The following CAMTA1 variants were observed in gnomAD, a reference collection of about 807,000 sequenced individuals.
CAMTA1 encodes calmodulin binding transcription activator 1, also known as calmodulin-binding transcription activator 1.
CAMTA1 carries 27 observed loss-of-function variants against 170.9 expected under a neutral mutation model. The observed-to-expected ratio is 0.16, with a 90% CI of 0.12 to 0.22. The LOEUF (loss-of-function observed/expected upper bound fraction) is 0.22. Among genes scored for constraint, CAMTA1 ranks in the 10% least tolerant of loss-of-function variants. The pLI, the probability that CAMTA1 is intolerant of heterozygous loss-of-function variation, is 1.00. For missense variants in CAMTA1, 1,619 were observed against 2,217.2 expected (o/e 0.73, Z 5.42); for synonymous variants, 833 against 891.5 (o/e 0.93, Z 1.17).
chr1:7,222,577 T>C (rs1660986660), intron 4 of CAMTA1, among the ~76,000 whole-genome samples: 1 of 152,212 alleles, frequency 6.6e-6, no homozygotes, highest in Non-Finnish European at 1.5e-5. Flanking sequence ...GAGTGGGTCA[T>C]GAGTCCTGAG....
intron 6 of CAMTA1, among the ~76,000 whole-genome samples, chr1:7,486,314 A>T (rs960175348): frequency 6.6e-6 from 1 of 152,208 alleles, no homozygotes; most frequent in African/African-American, 2.4e-5. Flanking sequence ...AGCTACCAAC[A>T]TGATATCATG....
Position 7,664,245 on chromosome 1 carries a change from C to T in CAMTA1, c.1698C>T (p.Ser566=). Residue 566 remains serine, a synonymous_variant, in exon 9 of 23, where the codon TCC becomes TCT. Coordinates refer to ENST00000303635, the MANE Select transcript of CAMTA1 (RefSeq NM_015215.4). ...GCTCCCTCACCCTGACCGCCGGCTC[C>T]AGCCTCCTGCCGTCGGGCGGCGGCC... ...AASSLTLTAG[S]SLLPSGGGLS... The T allele has an allele frequency of 6.2e-7, 1 of 1,612,688 alleles. No homozygotes were observed.
chr1:6,842,849 G>A lies in CAMTA1; in HGVS notation c.234+17639G>A, dbSNP rs147627893. ...CAAGGCAGGAGAATTGCTTGAACCC[G>A]GGAGGTGGAGGTTGCAGTGAGCTGA... On this transcript the variant is annotated intron_variant, in intron 3 of 22. Coordinates refer to ENST00000303635, the MANE Select transcript of CAMTA1 (RefSeq NM_015215.4). Among the ~76,000 whole-genome samples, 135 of 152,142 alleles carry A rather than the reference G, an allele frequency of 8.9e-4. 1 individual carries two copies. The East Asian group carries it at 0.025, about 28-fold the overall frequency.
intron 5 of CAMTA1, among the ~76,000 whole-genome samples, chr1:7,275,524 T>C (rs1183011837): frequency 6.6e-6 from 1 of 152,000 alleles, no homozygotes; most frequent in Non-Finnish European, 1.5e-5. Flanking sequence ...GCTAGCTTGA[T>C]TAAGAAACAG....
intron 3 of CAMTA1, among the ~76,000 whole-genome samples, chr1:6,955,529 A>G (rs887060974): frequency 6.6e-6 from 1 of 152,142 alleles, no homozygotes; most frequent in South Asian, 2.1e-4. Context: ...TACCTTCTCT[A>G]TAAACTGGGG....
intron 7 of CAMTA1, among the ~76,000 whole-genome samples, chr1:7,658,956 C>T (rs1257769137): frequency 2.0e-5 from 3 of 152,188 alleles, no homozygotes; most frequent in African/African-American, 4.8e-5. Context: ...ATCACATGTT[C>T]GCCGATCACA....
chr1:7,764,753 A>G (rs1251809976), intron 22 of CAMTA1, among the ~76,000 whole-genome samples: 3 of 152,144 alleles, frequency 2.0e-5, no homozygotes, highest in African/African-American at 4.8e-5. Flanking sequence ...TGAGCTCAGG[A>G]GTTCAAGACC....
rs188027657 is a variant in CAMTA1, at chr1:7,325,552, G to A, written c.438+75926G>A. On this transcript the variant is annotated intron_variant, in intron 5 of 22. Coordinates refer to ENST00000303635, the MANE Select transcript of CAMTA1 (RefSeq NM_015215.4). The surrounding 1 kb of genome is among the most constrained non-coding windows in gnomAD (Gnocchi z 5.0). ...AGAGGTGGTGATGACTTGCTCCAGG[G>A]TGTAGCCAGGTGGATGGGGAGAAAG... Among the ~76,000 whole-genome samples the A allele has an allele frequency of 3.7e-4, 57 of 152,322 alleles. No individual in the cohort carries two copies. Among genetic ancestry groups the A allele is most frequent in the African/African-American group, 1.3e-3 (55 of 41,574 alleles).
chr1:7,215,280 G>A (rs1405586665), intron 4 of CAMTA1, among the ~76,000 whole-genome samples: 1 of 151,822 alleles, frequency 6.6e-6, no homozygotes, highest in Non-Finnish European at 1.5e-5. Context: ...AGCTTTTTGA[G>A]CTTAGAATTT....
intron 3 of CAMTA1, among the ~76,000 whole-genome samples, chr1:6,906,280 C>T (rs1416172451): frequency 6.6e-6 from 1 of 152,074 alleles, no homozygotes; most frequent in Non-Finnish European, 1.5e-5. Context: ...TATAGAGGTG[C>T]CAAATTTGTA....
At chr1:7,158,266 GT>G (rs1347147144) in intron 4 of CAMTA1, among the ~76,000 whole-genome samples, 1 of 152,192 alleles carries the variant, frequency 6.6e-6, no homozygotes, top group East Asian at 1.9e-4. Context: ...CATGTTATAT[GT>G]TTCATTTATA....
At chr1:7,239,549 A>G (rs1664478886) in intron 4 of CAMTA1, among the ~76,000 whole-genome samples, 1 of 151,612 alleles carries the variant, frequency 6.6e-6, no homozygotes, top group South Asian at 2.1e-4. Context: ...TCCCCATGGC[A>G]TCATTTACGA....
At chr1:7,043,744 A>G (rs1054659348) in intron 3 of CAMTA1, among the ~76,000 whole-genome samples, 7 of 152,090 alleles carry the variant, frequency 4.6e-5, no homozygotes, top group African/African-American at 1.7e-4. Flanking sequence ...TGGGTGGCTC[A>G]CGGGAGAACA....
rs201823522 is a variant in CAMTA1 at position 7,655,442 on chromosome 1, TAC to T, written c.665-6278_665-6277del. ...CACACCTATCCACATACACAACCTA[TAC>T]ACACATACCTATACACAAACACACC... On this transcript the variant is annotated intron_variant, in intron 7 of 22. Coordinates refer to ENST00000303635, the MANE Select transcript of CAMTA1 (RefSeq NM_015215.4). Among the ~76,000 whole-genome samples, 1,247 of 136,932 alleles carry T rather than the reference TAC, an allele frequency of 9.1e-3. 19 individuals carry two copies. The highest frequency in any genetic ancestry group is 0.034 in the African/African-American group (1,193 of 35,554). 89.8% of individuals were successfully genotyped at this position (136,932 alleles called of 152,430 possible). A position where few individuals can be genotyped will look rare whatever the true frequency, so the allele number is the denominator to read the frequency against.
chr1:7,608,760 A>G (rs144547559), intron 6 of CAMTA1, among the ~76,000 whole-genome samples: 2 of 152,198 alleles, frequency 1.3e-5, no homozygotes, highest in East Asian at 3.9e-4. Context: ...TAGTGAAGTT[A>G]TTGACAATCT....
intron 4 of CAMTA1, among the ~76,000 whole-genome samples, chr1:7,094,260 A>T (rs1247026101): frequency 4.1e-5 from 3 of 73,984 alleles, no homozygotes; most frequent in Non-Finnish European, 8.8e-5. Context: ...TTGGATCCCC[A>T]CCCCCACCCC....
chr1:7,678,552 C>T (rs986487268), intron 11 of CAMTA1, among the ~76,000 whole-genome samples: 1 of 152,150 alleles, frequency 6.6e-6, no homozygotes, highest in Non-Finnish European at 1.5e-5. Flanking sequence ...AGGCTGGGGA[C>T]GCCAGAGCCA....
Position 7,680,453 on chromosome 1 carries a change from C to T in CAMTA1, c.2914+2720C>T, listed in dbSNP as rs996187956. Among the ~76,000 whole-genome samples the T allele has an allele frequency of 1.3e-5, 2 of 151,822 alleles. No individual in the cohort carries two copies. Among genetic ancestry groups the T allele is most frequent in the African/African-American group, 4.8e-5 (2 of 41,428 alleles). ...TGCCGGCGGCGCGCGTGCACACACT[C>T]TCTCCCACGCGCGCGCCCTCCCGCC... is the stretch of plus-strand genomic sequence containing the variant. On this transcript the variant is annotated intron_variant, in intron 11 of 22. Transcript: ENST00000303635. The surrounding 1 kb of genome is among the most constrained non-coding windows in gnomAD (Gnocchi z 4.4).
chr1:7,116,657 T>TC (rs1037520693), intron 4 of CAMTA1, among the ~76,000 whole-genome samples: 55 of 151,090 alleles, frequency 3.6e-4, no homozygotes, highest in Non-Finnish European at 6.9e-4. Flanking sequence ...TTTCTTTCTT[T>TC]TTTTTTTTTT....
Sources: gnomAD v4.1 joint callset for allele counts (sites outside exome capture counted in the v4.1 genomes callset) on GRCh38, gnomAD v4.1.1 for gene constraint, Gnocchi (gnomAD v3.1) non-coding constraint, MANE v1.5 for transcripts, NCBI Gene and HGNC (gene_info 2026-07-23, HGNC 2026-07-21) for gene names.